MALRD1: variants seen among roughly 807,000 people sequenced by gnomAD.
MALRD1 encodes the protein MAM and LDL receptor class A domain containing 1, also known as MAM and LDL-receptor class A domain-containing protein 1.
Under a neutral mutation model 242.1 loss-of-function variants are expected in MALRD1, and 247 were observed. The ratio of observed to expected loss-of-function variants is 1.02; its 90% CI spans 0.92 to 1.13. MALRD1 has a LOEUF of 1.13. Among genes scored for constraint, MALRD1 ranks in the 50% most tolerant of loss-of-function variants. The pLI is 0.00. For synonymous variants in MALRD1, 995 were observed against 866.6 expected, an observed-to-expected ratio of 1.15 and a Z score of -2.60; for missense variants, 2,989 against 2,533.1, an observed-to-expected ratio of 1.18 and a Z score of -3.86.
chr10:19,283,009 C>T lies in MALRD1; in HGVS notation c.3257-10C>T, dbSNP rs1378084771. ...CTAGCTCACCTTTTCTTTGTTCTAC[C>T]CCATCCAAGTTATGGAAGTTTGCAG... On this transcript the variant is annotated splice_polypyrimidine_tract_variant and intron_variant, in intron 20 of 39. Coordinates refer to ENST00000454679, the MANE Select transcript of MALRD1 (RefSeq NM_001142308.3). The T allele has an allele frequency of 6.5e-7, 1 of 1,531,416 alleles. No individual in the cohort carries two copies. Among genetic ancestry groups the T allele is most frequent in the Admixed American group, 2.0e-5 (1 of 49,560 alleles). The allele number at this position is 1,531,416 out of a possible 1,614,324, so 94.9% of individuals were successfully genotyped here.
intron 20 of MALRD1, among the ~76,000 whole-genome samples, chr10:19,280,563 G>T (rs531056047): frequency 1.3e-5 from 2 of 152,232 alleles, no homozygotes; most frequent in African/African-American, 4.8e-5. Flanking sequence ...GAATGTTTAG[G>T]GAGGTAGCTT....
At chr10:19,297,766 A>G (rs1841775294) in intron 21 of MALRD1, among the ~76,000 whole-genome samples, 1 of 151,874 alleles carries the variant, frequency 6.6e-6, no homozygotes, top group Non-Finnish European at 1.5e-5. Context: ...AAACAAAGTA[A>G]GGACCCGAAA....
chr10:19,620,941 G>T (rs966430212), intron 36 of MALRD1, among the ~76,000 whole-genome samples: 2 of 151,282 alleles, frequency 1.3e-5, no homozygotes, highest in Admixed American at 1.3e-4. Context: ...AGCATATGAT[G>T]TGTTCATCAT....
At chr10:19,167,237 T>C (rs1245543471) in intron 13 of MALRD1, among the ~76,000 whole-genome samples, 1 of 152,094 alleles carries the variant, frequency 6.6e-6, no homozygotes, top group Non-Finnish European at 1.5e-5. Flanking sequence ...CACGTGCCTG[T>C]AGTCCCAGCT....
chr10:19,329,220 A>T (rs910046081), intron 23 of MALRD1, among the ~76,000 whole-genome samples: 1 of 152,180 alleles, frequency 6.6e-6, no homozygotes, highest in Non-Finnish European at 1.5e-5. Context: ...TGCAAAGCAC[A>T]TTGCTATGCA....
intron 28 of MALRD1, among the ~76,000 whole-genome samples, chr10:19,400,517 A>G (rs1259962431): frequency 6.6e-6 from 1 of 152,226 alleles, no homozygotes; most frequent in East Asian, 1.9e-4. Flanking sequence ...CAAGTAGCTT[A>G]GTGCCTAGCA....
At chr10:19,394,032 G>A (rs1418060151) in intron 28 of MALRD1, among the ~76,000 whole-genome samples, 1 of 151,956 alleles carries the variant, frequency 6.6e-6, no homozygotes, top group East Asian at 1.9e-4. Flanking sequence ...CATGCTTTAG[G>A]GAATTTGAAT....
intron 21 of MALRD1, among the ~76,000 whole-genome samples, chr10:19,283,678 AG>A (rs1840940869): frequency 6.6e-6 from 1 of 152,126 alleles, no homozygotes. Context: ...ATAGGTGAAA[AG>A]ATTTTTCCAC....
At chr10:19,341,756 C>T (rs1018330023) in intron 24 of MALRD1, among the ~76,000 whole-genome samples, 5 of 151,634 alleles carry the variant, frequency 3.3e-5, no homozygotes, top group Admixed American at 1.3e-4. Context: ...TCAAGCCAAA[C>T]GATATGCGAT....
At chr10:19,636,634 C>T (rs1840137219) in intron 36 of MALRD1, among the ~76,000 whole-genome samples, 1 of 152,116 alleles carries the variant, frequency 6.6e-6, no homozygotes, top group Non-Finnish European at 1.5e-5. Context: ...TACAGTGGCT[C>T]ACGTCTGTAA....
chr10:19,281,290 C>T (rs910557037), intron 20 of MALRD1, among the ~76,000 whole-genome samples: 13 of 152,050 alleles, frequency 8.5e-5, no homozygotes, highest in African/African-American at 3.1e-4. Context: ...ACTTGCTCAT[C>T]GGAAGGCATT....
intron 38 of MALRD1, among the ~76,000 whole-genome samples, chr10:19,726,169 T>C (rs1473416624): frequency 6.6e-6 from 1 of 152,126 alleles, no homozygotes; most frequent in Non-Finnish European, 1.5e-5. Flanking sequence ...AAAGACAATC[T>C]ACAAAATGGT....
At chr10:19,436,370 C>T (rs1834351929) in intron 28 of MALRD1, among the ~76,000 whole-genome samples, 1 of 152,152 alleles carries the variant, frequency 6.6e-6, no homozygotes, top group Non-Finnish European at 1.5e-5. Context: ...TTTCCAACTA[C>T]AGTCTATTAC....
intron 38 of MALRD1, among the ~76,000 whole-genome samples, chr10:19,713,807 T>C (rs2025789): frequency 0.6 from 91,833 of 152,130 alleles, 28,513 homozygotes; most frequent in African/African-American, 0.75. Flanking sequence ...AGTCTGGTTC[T>C]GGAGTTAGCA....
chr10:19,103,875 G>A (rs1763161571), intron 4 of MALRD1, 104 bp from the exon 5 acceptor site: 1 of 585,542 alleles, frequency 1.7e-6, no homozygotes, highest in Admixed American at 4.4e-5. Flanking sequence ...TGCTTCTAGA[G>A]AGTGACATGC....
intron 11 of MALRD1, among the ~76,000 whole-genome samples, chr10:19,149,395 C>T (rs996909547): frequency 6.6e-6 from 1 of 152,024 alleles, no homozygotes; most frequent in Admixed American, 6.6e-5. Context: ...CCTCGAATTT[C>T]CTTCCTGCCT....
chr10:19,288,743 GA>G (rs890218265), intron 21 of MALRD1, among the ~76,000 whole-genome samples: 5 of 152,010 alleles, frequency 3.3e-5, no homozygotes, highest in African/African-American at 9.7e-5. Context: ...TGTTATTGCA[GA>G]TGCTCTTATA....
chr10:19,069,518 C>G (rs1165324422), intron 2 of MALRD1, among the ~76,000 whole-genome samples: 1 of 151,904 alleles, frequency 6.6e-6, no homozygotes, highest in African/African-American at 2.4e-5. Flanking sequence ...GAGTTTGTCT[C>G]TGGTATCATT....
At chr10:19,117,639 A>G (rs1384996137) in intron 5 of MALRD1, among the ~76,000 whole-genome samples, 2 of 152,194 alleles carry the variant, frequency 1.3e-5, no homozygotes, top group African/African-American at 2.4e-5. Context: ...ATTTATTGCC[A>G]ACATTCCCTT....
Sources: gnomAD v4.1 joint callset for allele counts (sites outside exome capture counted in the v4.1 genomes callset) on GRCh38, gnomAD v4.1.1 for gene constraint, MANE v1.5 for transcripts, NCBI Gene and HGNC (gene_info 2026-07-23, HGNC 2026-07-21) for gene names.